TMEM39A: variants seen among roughly 807,000 people sequenced by gnomAD.
TMEM39A encodes transmembrane protein 39A, also known as suppressor of SQST-1 aggregates in rpl-43 mutants.
In TMEM39A, 19 loss-of-function variants were observed where a neutral mutation model predicts 51.9. The ratio of observed to expected loss-of-function variants is 0.37; its 90% CI spans 0.26 to 0.54. The LOEUF is 0.54. TMEM39A is among the 20% of genes least tolerant of loss of function. The pLI is 0.88. For synonymous variants in TMEM39A, 197 were observed against 220.2 expected (o/e 0.89, Z 0.93); for missense variants, 433 against 590.5 (o/e 0.73, Z 2.76).
rs1366453031 is a variant in TMEM39A at position 119,430,019 on chromosome 3, T to C, written c.*1962A>G. The C allele has an allele frequency of 6.6e-6, 1 of 152,128 alleles. No homozygotes were observed. The highest frequency in any genetic ancestry group is 1.5e-5 in the Non-Finnish European group (1 of 67,996). The allele number at this position is 152,128 out of a possible 1,614,324, so 9.4% of individuals were successfully genotyped here. ...CCATGCCACCCATTTTGCTCTCAAC[T>C]GCTGAGTAATCTCATGAAAATGTTG... is the stretch of plus-strand genomic sequence containing the variant. On this transcript the variant is annotated 3_prime_UTR_variant, in exon 9 of 9. Transcript: ENST00000319172.
intron 4 of TMEM39A, among the ~76,000 whole-genome samples, chr3:119,448,285 T>C (rs1271677922): frequency 6.6e-6 from 1 of 152,126 alleles, no homozygotes; most frequent in East Asian, 1.9e-4. Context: ...TCTTTCTGAA[T>C]GAACTAGGGA....
intron 8 of TMEM39A, among the ~76,000 whole-genome samples, chr3:119,432,647 T>C (rs936874687): frequency 3.9e-5 from 6 of 152,124 alleles, no homozygotes; most frequent in Admixed American, 2.0e-4. Flanking sequence ...TATGTAACCA[T>C]TTAAAAATGT....
chr3:119,436,707 G>T, intron 7 of TMEM39A, 84 bp downstream of exon 7: 1 of 1,409,758 alleles, frequency 7.1e-7, no homozygotes, highest in South Asian at 1.3e-5. Flanking sequence ...TCAAAGCCAA[G>T]AACAAGAATG....
intron 5 of TMEM39A, among the ~76,000 whole-genome samples, chr3:119,438,759 G>C (rs2081010159): frequency 1.3e-5 from 2 of 152,088 alleles, no homozygotes; most frequent in African/African-American, 2.4e-5. Flanking sequence ...TACTTCAAAT[G>C]TCCCTTTCTT....
intron 5 of TMEM39A, among the ~76,000 whole-genome samples, chr3:119,439,717 T>C (rs1319570178): frequency 6.6e-6 from 1 of 152,168 alleles, no homozygotes; most frequent in African/African-American, 2.4e-5. Context: ...TGGGATCTAC[T>C]GTGAATGTGC....
rs2081343508 is a variant in TMEM39A at position 119,461,853 on chromosome 3, G to T, written c.113+109C>A. ...TGAAGGGCAGGATTTCTACCACAGT[G>T]TCAAGAATAAATCTCAATAAGCAAA... On this transcript the variant is annotated intron_variant, in intron 2 of 8. Coordinates refer to ENST00000319172, the MANE Select transcript of TMEM39A (RefSeq NM_018266.3). The T allele has an allele frequency of 4.5e-6, 4 of 880,622 alleles. No individual in the cohort carries two copies. The Admixed American group carries it at 9.3e-5, about 21-fold the overall frequency. 54.6% of individuals were successfully genotyped at this position (880,622 alleles called of 1,614,324 possible). A position where few individuals can be genotyped will look rare whatever the true frequency, so the allele number is the denominator to read the frequency against.
intron 2 of TMEM39A, among the ~76,000 whole-genome samples, chr3:119,459,986 A>ATAT (rs2081317234): frequency 1.3e-5 from 2 of 152,026 alleles, no homozygotes; most frequent in African/African-American, 2.4e-5. Flanking sequence ...CCTCGTCCCC[A>ATAT]GGTCTTTTAT....
intron 5 of TMEM39A, among the ~76,000 whole-genome samples, chr3:119,440,525 A>G (rs1238143006): frequency 1.5e-4 from 23 of 152,214 alleles, no homozygotes. Flanking sequence ...GGACCAATTC[A>G]AGATACACTT....
intron 3 of TMEM39A, among the ~76,000 whole-genome samples, chr3:119,455,567 G>T (rs1383599424): frequency 1.3e-5 from 2 of 152,194 alleles, no homozygotes; most frequent in East Asian, 3.9e-4. Flanking sequence ...TTGAATAGAA[G>T]TGAGTGAAGT....
chr3:119,437,889 G>A lies in TMEM39A; in HGVS notation c.790C>T (p.Pro264Ser). ...NATPIPTHSCPLSPDLIRNEV... is the reference protein window; with the variant it reads ...NATPIPTHSCSLSPDLIRNEV... ...TTGCGAATGAGGTCTGGAGATAGGGGACAACTGTGGGTGGGGATGGGTGTG... is the reference window on the plus strand; with the variant it reads ...TTGCGAATGAGGTCTGGAGATAGGGAACAACTGTGGGTGGGGATGGGTGTG... The change falls in exon 6 of 9, where the codon CCC becomes TCC. Residue 264 changes from proline to serine, a missense_variant. This residue lies in a region of TMEM39A where 223 missense variants were observed against 328.1 expected (regional missense o/e 0.68). Coordinates refer to ENST00000319172, the MANE Select transcript of TMEM39A (RefSeq NM_018266.3). The A allele has an allele frequency of 6.2e-6, 10 of 1,613,640 alleles. No individual in the cohort carries two copies. The highest frequency in any genetic ancestry group is 8.5e-6 in the Non-Finnish European group (10 of 1,179,616).
intron 1 of TMEM39A, among the ~76,000 whole-genome samples, chr3:119,462,872 A>G (rs979441164): frequency 1.4e-5 from 2 of 145,994 alleles, no homozygotes; most frequent in Non-Finnish European, 3.0e-5. Flanking sequence ...AGAAGCAAGT[A>G]AAAGATAAAG....
At chr3:119,451,890 C>A (rs994504347) in intron 4 of TMEM39A, among the ~76,000 whole-genome samples, 5 of 137,602 alleles carry the variant, frequency 3.6e-5, no homozygotes, top group Admixed American at 1.4e-4. Context: ...GCTCTGTCAA[C>A]AATTTTTAAT....
chr3:119,449,282 T>C (rs1167111141), intron 4 of TMEM39A, among the ~76,000 whole-genome samples: 1 of 151,938 alleles, frequency 6.6e-6, no homozygotes, highest in Non-Finnish European at 1.5e-5. Flanking sequence ...TATAGCAAAA[T>C]GTGGTCTTTG....
chr3:119,450,648 C>T (rs992716484), intron 4 of TMEM39A, among the ~76,000 whole-genome samples: 4 of 151,602 alleles, frequency 2.6e-5, no homozygotes, highest in African/African-American at 9.7e-5. Context: ...ATAGTGAAAC[C>T]CTGTCTCTAC....
In TMEM39A at chr3:119,429,122, C is replaced by T. The variant is rs1186629337; in HGVS notation, c.*2859G>A. On this transcript the variant is annotated 3_prime_UTR_variant, in exon 9 of 9. Coordinates refer to ENST00000319172, the MANE Select transcript of TMEM39A (RefSeq NM_018266.3). ...TTAATGAACTCGAACATCACTATCT[C>T]CGGCACCCAGCAGTGTTTGGCATAT... is the stretch of plus-strand genomic sequence containing the variant. 1.3e-5 allele frequency among the ~76,000 whole-genome samples: 2 copies of T among 151,922 alleles called. No homozygotes were observed. The highest frequency in any genetic ancestry group is 2.4e-5 in the African/African-American group (1 of 41,350).
Position 119,462,078 on chromosome 3 carries a change from C to T in TMEM39A, c.-4G>A. ...GGCCCCTCCTTCCACCGGGCATGTC[C>T]AGGAACCAGTCTGCTTCCAGTGCCA... is the stretch of plus-strand genomic sequence containing the variant. On this transcript the variant is annotated 5_prime_UTR_variant, in exon 2 of 9. Coordinates refer to ENST00000319172, the MANE Select transcript of TMEM39A (RefSeq NM_018266.3). The T allele has an allele frequency of 6.2e-7, 1 of 1,613,586 alleles. No homozygotes were observed. Among genetic ancestry groups the T allele is most frequent in the Non-Finnish European group, 8.5e-7 (1 of 1,179,730 alleles).
At chr3:119,448,570 A>G (rs540971173) in intron 4 of TMEM39A, among the ~76,000 whole-genome samples, 1 of 152,248 alleles carries the variant, frequency 6.6e-6, no homozygotes, top group Non-Finnish European at 1.5e-5. Flanking sequence ...GCAAAGCAGC[A>G]GTTGAATAAA....
chr3:119,436,959 A>C lies in TMEM39A; in HGVS notation c.944T>G (p.Met315Arg). The C allele has an allele frequency of 6.2e-7, 1 of 1,613,742 alleles. No homozygotes were observed. Among genetic ancestry groups the C allele is most frequent in the Admixed American group, 1.7e-5 (1 of 60,006 alleles). Reference protein sequence around the residue: ...CFVKSTQYYDMRWSCEHLIMV... With the variant: ...CFVKSTQYYDRRWSCEHLIMV... ...AATGAGGTGCTCACATGACCAGCGC[A>C]TGTCATAGTACTGGGTACTCTGGAA... Residue 315 changes from methionine (M) to arginine (R), a missense_variant, in exon 7 of 9, where the codon ATG becomes AGG. By Grantham distance (91) the Met-to-Arg change is moderately conservative. Transcript: ENST00000319172.
intron 5 of TMEM39A, among the ~76,000 whole-genome samples, chr3:119,441,887 T>A (rs1421953352): frequency 2.0e-5 from 3 of 152,222 alleles, no homozygotes; most frequent in Non-Finnish European, 2.9e-5. Context: ...TTATTTACCA[T>A]TCCAAAAATC....
Sources: gnomAD v4.1 joint callset for allele counts (sites outside exome capture counted in the v4.1 genomes callset) on GRCh38, gnomAD v4.1.1 for gene constraint, gnomAD v4.1.1 regional missense constraint, MANE v1.5 for transcripts, NCBI Gene and HGNC (gene_info 2026-07-23, HGNC 2026-07-21) for gene names.